Variants in OTOGL observed in about 807,000 individuals in gnomAD.
OTOGL encodes the protein otogelin like, also known as otogelin-like protein.
Under a neutral mutation model 318.5 loss-of-function variants are expected in OTOGL, and 285 were observed. The ratio of observed to expected loss-of-function variants is 0.89; its 90% confidence interval spans 0.81 to 0.99. OTOGL has a LOEUF of 0.99. OTOGL is among the 50% of genes least tolerant of loss of function. The pLI is 0.00. For missense variants in OTOGL, 2,899 were observed against 2,845.6 expected (o/e 1.02, Z -0.43); for synonymous variants, 987 against 936.5 (o/e 1.05, Z -0.99).
rs1235630479 is a variant in OTOGL, at chr12:80,302,760, A to G, written c.3190A>G (p.Ile1064Val). The change falls in exon 28 of 59, where the codon ATC (isoleucine) becomes GTC (valine). Residue 1064 changes from isoleucine to valine, a missense_variant. Physicochemically the swap from Ile to Val is conservative, Grantham distance 29. Around this residue, in one of 3 missense-constraint regions of OTOGL, gnomAD observed 2,607 missense variants for 2,524.9 expected, o/e 1.03. Transcript: ENST00000547103. Reference sequence around the variant, plus strand: ...TTGGGATAGGAAGACAACTATTCATATCAAAGTTGGGCCACAGTGGAAGGT... The same window carrying G: ...TTGGGATAGGAAGACAACTATTCATGTCAAAGTTGGGCCACAGTGGAAGGT... ...ILWDRKTTIH[I>V]KVGPQWKNKL... 2 of 1,520,616 alleles carry G rather than the reference A, an allele frequency of 1.3e-6. No homozygotes were observed. Among genetic ancestry groups the G allele is most frequent in the South Asian group, 2.7e-5 (2 of 75,408 alleles). 94.2% of individuals were successfully genotyped at this position (1,520,616 alleles called of 1,614,324 possible). A position where few individuals can be genotyped will look rare whatever the true frequency, so the allele number is the denominator to read the frequency against.
At chr12:80,180,422 G>C (rs894054733) in intron 1 of OTOGL, among the ~76,000 whole-genome samples, 6 of 152,188 alleles carry the variant, frequency 3.9e-5, no homozygotes, top group Non-Finnish European at 5.9e-5. Flanking sequence ...AAGCCCATGG[G>C]CAACTTTTGG....
At chr12:80,128,104 A>G (rs986487931) in intron 1 of OTOGL, among the ~76,000 whole-genome samples, 1 of 152,102 alleles carries the variant, frequency 6.6e-6, no homozygotes, top group Non-Finnish European at 1.5e-5. Flanking sequence ...CCTTTGGAGG[A>G]GGAGAGGAGC....
At chr12:80,160,415 A>G (rs1246665426) in intron 1 of OTOGL, among the ~76,000 whole-genome samples, 1 of 152,154 alleles carries the variant, frequency 6.6e-6, no homozygotes, top group Non-Finnish European at 1.5e-5. Context: ...TCCCATCAAA[A>G]AGTGGACTAA....
intron 1 of OTOGL, among the ~76,000 whole-genome samples, chr12:80,128,837 G>A (rs1223069225): frequency 6.6e-6 from 1 of 152,222 alleles, no homozygotes; most frequent in Non-Finnish European, 1.5e-5. Flanking sequence ...GACCCTCTGA[G>A]CCAGGTGCGG....
intron 28 of OTOGL, among the ~76,000 whole-genome samples, chr12:80,304,458 A>G (rs1885976469): frequency 6.6e-6 from 1 of 152,202 alleles, no homozygotes; most frequent in South Asian, 2.1e-4. Flanking sequence ...ACTCATGGAT[A>G]TAATTTTTGT....
chr12:80,115,991 T>G (rs1489816031), intron 1 of OTOGL, among the ~76,000 whole-genome samples: 13 of 124,678 alleles, frequency 1.0e-4, no homozygotes, highest in Admixed American at 1.0e-3. Flanking sequence ...CTGGGCTCTG[T>G]GGGACTGGGA....
rs142868653 is a variant in OTOGL at position 80,187,171 on chromosome 12, G to A, written c.-19-22242G>A. On this transcript the variant is annotated intron_variant, in intron 1 of 58. Transcript: ENST00000547103. ...ACGGACTTTTATATAAGAGGTAAGG[G>A]ATGAGAAAACAACAGGGTTCCCTAA... Among the ~76,000 whole-genome samples, 480 of 152,250 alleles carry A rather than the reference G, an allele frequency of 3.2e-3. 3 individuals are homozygous for A. The highest frequency in any genetic ancestry group is 0.011 in the African/African-American group (453 of 41,542).
chr12:80,266,509 C>T lies in OTOGL; in HGVS notation c.2283C>T (p.Ser761=), dbSNP rs905682751. The change falls in exon 21 of 59, where the codon TCC becomes TCT. Residue 761 remains serine, a synonymous_variant. Transcript: ENST00000547103. ...ACTGTTCCTCGTTCTGCCTCCATTC[C>T]TGCATTTCTCTCTCTTCCCCGGAGC... The part of the protein sequence containing the change: ...YHHCSSFCLH[S]CISLSSPEQC... 2.5e-6 allele frequency: 4 copies of T among 1,613,444 alleles called. No homozygotes were observed. The highest frequency in any genetic ancestry group is 1.7e-5 in the Admixed American group (1 of 59,862).
intron 52 of OTOGL, among the ~76,000 whole-genome samples, chr12:80,365,949 CA>C: frequency 6.6e-6 from 1 of 152,222 alleles, no homozygotes; most frequent in East Asian, 1.9e-4. Context: ...CCTGATAGGG[CA>C]AAGTTTGAGC....
At chr12:80,114,328 C>G (rs970624880) in intron 1 of OTOGL, among the ~76,000 whole-genome samples, 5 of 152,118 alleles carry the variant, frequency 3.3e-5, no homozygotes, top group Admixed American at 6.5e-5. Context: ...AATCCCTCAG[C>G]ATTTGCTTGT....
intron 9 of OTOGL, among the ~76,000 whole-genome samples, chr12:80,236,625 T>C (rs1157585939): frequency 6.6e-6 from 1 of 152,144 alleles, no homozygotes; most frequent in Non-Finnish European, 1.5e-5. Flanking sequence ...TGAAAGGAAA[T>C]GTAACTATAA....
chr12:80,124,319 G>A (rs1027844806), intron 1 of OTOGL, among the ~76,000 whole-genome samples: 2 of 152,122 alleles, frequency 1.3e-5, no homozygotes, highest in African/African-American at 2.4e-5. Context: ...GCTTGTTTTT[G>A]TGAGGTTTGT....
intron 1 of OTOGL, among the ~76,000 whole-genome samples, chr12:80,177,562 C>G (rs1276785223): frequency 6.6e-6 from 1 of 151,444 alleles, no homozygotes; most frequent in South Asian, 2.1e-4. Flanking sequence ...TAACTTTATC[C>G]TTTTTTTTAA....
intron 26 of OTOGL, among the ~76,000 whole-genome samples, chr12:80,291,774 ATAGATTCT>A (rs1407170116): frequency 6.6e-6 from 1 of 152,210 alleles, no homozygotes; most frequent in African/African-American, 2.4e-5. Flanking sequence ...ACAACAGAAA[ATAGATTCT>A]TATTGAACTT....
intron 31 of OTOGL, among the ~76,000 whole-genome samples, chr12:80,314,044 G>A (rs1393073692): frequency 6.6e-6 from 1 of 152,008 alleles, no homozygotes; most frequent in African/African-American, 2.4e-5. Context: ...TAAGATATCT[G>A]AACAAACTTA....
chr12:80,102,098 T>C (rs746977925), intron 1 of OTOGL, among the ~76,000 whole-genome samples: 44 of 152,300 alleles, frequency 2.9e-4, no homozygotes, highest in Admixed American at 5.2e-4. Flanking sequence ...TCAAACTCAA[T>C]ACAAGTAGGA....
intron 26 of OTOGL, among the ~76,000 whole-genome samples, chr12:80,293,522 C>T (rs1278960710): frequency 2.6e-5 from 4 of 152,178 alleles, no homozygotes; most frequent in African/African-American, 9.7e-5. Context: ...TGATGTCATT[C>T]TTGTAACTTG....
intron 37 of OTOGL, 84 bp downstream of exon 37, chr12:80,329,203 G>A: frequency 1.9e-6 from 2 of 1,079,054 alleles, no homozygotes; most frequent in Non-Finnish European, 2.5e-6. Context: ...TGTTACTATA[G>A]CTGCTATCAT....
intron 4 of OTOGL, among the ~76,000 whole-genome samples, chr12:80,215,419 G>A (rs1425999268): frequency 2.6e-5 from 4 of 151,906 alleles, no homozygotes; most frequent in Non-Finnish European, 5.9e-5. Context: ...CACCCACCAC[G>A]GCCTCCCAAA....
Sources: allele counts gnomAD v4.1 joint callset (sites outside exome capture counted in the v4.1 genomes callset), GRCh38; gene constraint gnomAD v4.1.1; regional missense constraint gnomAD v4.1.1; transcripts MANE v1.5; gene names NCBI Gene and HGNC (gene_info 2026-07-23, HGNC 2026-07-21).